The following AGBL1 variants were observed in gnomAD, a reference collection of about 807,000 sequenced individuals.
The protein encoded by AGBL1 is cytosolic carboxypeptidase 4.
Under a neutral mutation model 118.9 loss-of-function variants are expected in AGBL1, and 130 were observed. The observed-to-expected ratio is 1.09, with a 90% CI of 0.95 to 1.26. AGBL1 has a LOEUF of 1.26. AGBL1 is among the 50% of genes most tolerant of loss of function. The pLI, the probability that AGBL1 is intolerant of heterozygous loss-of-function variation, is 0.00. For synonymous variants in AGBL1, 555 were observed against 478.9 expected, an observed-to-expected ratio of 1.16 and a Z score of -2.08; for missense variants, 1,584 against 1,298.1, an observed-to-expected ratio of 1.22 and a Z score of -3.38.
At chr15:86,363,262 G>T (rs1485385786) in intron 17 of AGBL1, among the ~76,000 whole-genome samples, 1 of 152,110 alleles carries the variant, frequency 6.6e-6, no homozygotes, top group South Asian at 2.1e-4. Flanking sequence ...ATGCAAACTG[G>T]GCACCTCCTG....
At chr15:86,417,511 A>C (rs2081712588) in intron 18 of AGBL1, among the ~76,000 whole-genome samples, 1 of 152,262 alleles carries the variant, frequency 6.6e-6, no homozygotes, top group Non-Finnish European at 1.5e-5. Context: ...AACATTGAAC[A>C]GAGCAAGCTG....
At chr15:86,895,422 C>T (rs1259454677) in intron 22 of AGBL1, among the ~76,000 whole-genome samples, 5 of 149,276 alleles carry the variant, frequency 3.3e-5, no homozygotes, top group African/African-American at 1.2e-4. Context: ...ATTATTTTTG[C>T]ATTTGCGTGT....
At chr15:86,849,517 C>CTTTTTTTTTTTTTTTTTTTTTTTTTT (rs68185029) in intron 22 of AGBL1, among the ~76,000 whole-genome samples, 1 of 136,798 alleles carries the variant, frequency 7.3e-6, no homozygotes, top group African/African-American at 2.7e-5. Flanking sequence ...TTCTTTCTTT[C>CTTTTTTTTTTTTTTTTTTTTTTTTTT]TTTTTTTTTT....
At chr15:86,862,758 G>A (rs936373423) in intron 22 of AGBL1, among the ~76,000 whole-genome samples, 1 of 152,096 alleles carries the variant, frequency 6.6e-6, no homozygotes, top group Non-Finnish European at 1.5e-5. Flanking sequence ...CAAAAACAAA[G>A]TTCTTTTTAC....
chr15:86,871,798 C>G (rs1278603050), intron 22 of AGBL1, among the ~76,000 whole-genome samples: 1 of 152,194 alleles, frequency 6.6e-6, no homozygotes, highest in Non-Finnish European at 1.5e-5. Context: ...CGGAGACCTA[C>G]TTGTGCCAAA....
At chr15:86,975,620 A>G (rs11853178) in intron 23 of AGBL1, among the ~76,000 whole-genome samples, 6,017 of 152,206 alleles carry the variant, frequency 0.04, 421 homozygotes, top group African/African-American at 0.14. Context: ...AATATTTGCA[A>G]TGTTTCTAAA....
At chr15:86,234,231 T>C (rs138100207) in intron 6 of AGBL1, among the ~76,000 whole-genome samples, 2 of 152,156 alleles carry the variant, frequency 1.3e-5, no homozygotes, top group East Asian at 3.9e-4. Context: ...GTATGTTCCC[T>C]GTAAGCTCAG....
Position 86,230,109 on chromosome 15 carries a change from C to T in AGBL1, c.526+5158C>T, listed in dbSNP as rs1052964104. Among the ~76,000 whole-genome samples the T allele has an allele frequency of 4.6e-5, 7 of 152,138 alleles. No homozygotes were observed. The East Asian group carries it at 5.8e-4, about 13-fold the overall frequency. On this transcript the variant is annotated intron_variant, in intron 6 of 22. Coordinates refer to ENST00000614907, the MANE Select transcript of AGBL1 (RefSeq NM_001386094.1). Reference sequence around the variant, plus strand: ...GTTGAGACTTCTCACAGATCTTCCTCGTTAATGCTCTGTCTGGCTGGTTCA... The same window carrying T: ...GTTGAGACTTCTCACAGATCTTCCTTGTTAATGCTCTGTCTGGCTGGTTCA...
chr15:86,608,408 G>A (rs1231138767), intron 21 of AGBL1, among the ~76,000 whole-genome samples: 3 of 152,222 alleles, frequency 2.0e-5, no homozygotes, highest in African/African-American at 7.2e-5. Context: ...GAATGCAAGA[G>A]CAAGCAAGAA....
At chr15:86,471,838 T>C (rs1225528320) in intron 18 of AGBL1, among the ~76,000 whole-genome samples, 1 of 152,202 alleles carries the variant, frequency 6.6e-6, no homozygotes, top group Non-Finnish European at 1.5e-5. Flanking sequence ...TGGCATGTCT[T>C]GACCATAGGA....
intron 24 of AGBL1, among the ~76,000 whole-genome samples, chr15:87,003,062 C>T (rs868621929): frequency 6.6e-6 from 1 of 152,118 alleles, no homozygotes; most frequent in African/African-American, 2.4e-5. Flanking sequence ...TGCCAGTTTT[C>T]AAAGGGAATG....
At chr15:86,302,778 CAAAAAA>C (rs11345100) in intron 17 of AGBL1, among the ~76,000 whole-genome samples, 19 of 95,920 alleles carry the variant, frequency 2.0e-4, no homozygotes, top group Admixed American at 1.4e-3. Context: ...GACCCTGTCT[CAAAAAA>C]AAAAAAAAAA....
At chr15:86,617,978 A>G (rs992855833) in intron 21 of AGBL1, among the ~76,000 whole-genome samples, 11 of 152,196 alleles carry the variant, frequency 7.2e-5, no homozygotes, top group Non-Finnish European at 1.5e-5. Context: ...AAAATATTTA[A>G]TCATAACATT....
At chr15:86,682,341 CA>C (rs1056963769) in intron 22 of AGBL1, among the ~76,000 whole-genome samples, 4 of 152,086 alleles carry the variant, frequency 2.6e-5, no homozygotes, top group African/African-American at 9.7e-5. Context: ...AACAAACAAA[CA>C]AAAACCTTGT....
At chr15:86,545,182 A>T (rs966344818) in intron 19 of AGBL1, among the ~76,000 whole-genome samples, 1 of 152,222 alleles carries the variant, frequency 6.6e-6, no homozygotes, top group Non-Finnish European at 1.5e-5. Context: ...GGGCTTCTTT[A>T]GCCTGGATCC....
At chr15:86,907,046 T>C (rs1262590160) in intron 22 of AGBL1, 41 bp from the exon 23 acceptor site, 3 of 152,314 alleles carry the variant, frequency 2.0e-5, no homozygotes, top group Non-Finnish European at 4.4e-5. Context: ...TACCTTCCTC[T>C]TCTTCCTTTC....
chr15:86,727,201 T>A (rs957244716), intron 22 of AGBL1, among the ~76,000 whole-genome samples: 2 of 152,056 alleles, frequency 1.3e-5, no homozygotes, highest in South Asian at 4.1e-4. Flanking sequence ...TTTAAATGTA[T>A]ATCAGGAAGG....
intron 1 of AGBL1, among the ~76,000 whole-genome samples, chr15:86,100,328 T>C (rs1018487226): frequency 6.6e-6 from 1 of 152,156 alleles, no homozygotes; most frequent in African/African-American, 2.4e-5. Flanking sequence ...AGTATCAGGG[T>C]AATGCTGACC....
intron 21 of AGBL1, among the ~76,000 whole-genome samples, chr15:86,639,161 G>A (rs1596328662): frequency 6.6e-6 from 1 of 152,118 alleles, no homozygotes; most frequent in Admixed American, 6.6e-5. Flanking sequence ...TATTCTATTG[G>A]TTAGAAGCCA....
Sources: allele counts gnomAD v4.1 joint callset (sites outside exome capture counted in the v4.1 genomes callset), GRCh38; gene constraint gnomAD v4.1.1; transcripts MANE v1.5; gene names NCBI Gene and HGNC (gene_info 2026-07-23, HGNC 2026-07-21).